The following SLC17A1 variants were observed in gnomAD, a reference collection of about 807,000 sequenced individuals.
The protein encoded by SLC17A1 is sodium-dependent phosphate transport protein 1.
Under a neutral mutation model 53.5 loss-of-function variants are expected in SLC17A1, and 51 were observed. The observed-to-expected ratio is 0.95, with a 90% CI of 0.76 to 1.20. The LOEUF is 1.20. Ranked by LOEUF, SLC17A1 falls within the 50% of genes most tolerant of loss-of-function variation. The probability of loss-of-function intolerance (pLI) is 0.00; values close to 1 mark genes in which losing one functional copy is unlikely to be tolerated. For synonymous variants in SLC17A1, 179 were observed against 198.8 expected, an observed-to-expected ratio of 0.90 and a Z score of 0.84; for missense variants, 538 against 568.2, an observed-to-expected ratio of 0.95 and a Z score of 0.54.
chr6:25,797,604 AC>A (rs1330151028), intron 12 of SLC17A1, among the ~76,000 whole-genome samples: 2 of 147,884 alleles, frequency 1.4e-5, no homozygotes, highest in African/African-American at 2.5e-5. Context: ...ATCCATTTCT[AC>A]CCCAGTTTTT....
At chr6:25,823,702 A>T (rs1371323789) in intron 3 of SLC17A1, among the ~76,000 whole-genome samples, 2 of 151,878 alleles carry the variant, frequency 1.3e-5, no homozygotes, top group East Asian at 3.8e-4. Flanking sequence ...TCTTTATAAG[A>T]TATGATTAGC....
At chr6:25,742,844 G>A in the SLC17A1 span, among the ~76,000 whole-genome samples, 5 of 152,204 alleles carry the variant, frequency 3.3e-5, no homozygotes, top group Admixed American at 6.5e-5. Context: ...CATTTTGTGC[G>A]GAATTTAGTA....
chr6:25,804,514 G>A (rs1763890743), intron 10 of SLC17A1, among the ~76,000 whole-genome samples: 1 of 151,974 alleles, frequency 6.6e-6, no homozygotes, highest in South Asian at 2.1e-4. Flanking sequence ...ATGATGACTG[G>A]AATAGTACCT....
chr6:25,818,743 T>C (rs1006522265), intron 6 of SLC17A1, among the ~76,000 whole-genome samples: 3 of 152,360 alleles, frequency 2.0e-5, no homozygotes, highest in Non-Finnish European at 1.5e-5. Context: ...GAATGTTAAG[T>C]ATAAAAAGTA....
chr6:25,746,967 T>C, the SLC17A1 span, among the ~76,000 whole-genome samples: 1 of 152,124 alleles, frequency 6.6e-6, no homozygotes, highest in African/African-American at 2.4e-5. Context: ...AGACTGACAA[T>C]AAAAAACAGT....
At chr6:25,769,121 T>C in the SLC17A1 span, 1,430,652 of 1,613,212 alleles carry the variant, frequency 0.89, 636,376 homozygotes, top group East Asian at 0.99. Context: ...AGCCCAATGC[T>C]TCCACAGAAC....
the SLC17A1 span, chr6:25,777,899 T>A: frequency 6.3e-7 from 1 of 1,583,134 alleles, no homozygotes; most frequent in Non-Finnish European, 8.7e-7. Flanking sequence ...TACTTGGTTA[T>A]AATAGAGTAC....
In SLC17A1 at chr6:25,798,876, G is replaced by T; in HGVS notation, c.1313C>A (p.Ala438Asp). 1 of 1,605,792 alleles carries T rather than the reference G, an allele frequency of 6.2e-7. No homozygotes were observed. The highest frequency in any genetic ancestry group is 8.5e-7 in the Non-Finnish European group (1 of 1,174,416). The change falls in exon 12 of 13, where the codon GCC becomes GAC. Residue 438 changes from alanine (A) to aspartate (D), a missense_variant. Transcript: ENST00000244527. ...AWFKTFILMA[A>D]INVTGLIFYL... is the part of the protein sequence containing the mutation. ...GAAAATTAGGCCAGTCACATTAATG[G>T]CTGCCATCAGGATGAAGGTTTTAAA...
At chr6:25,732,638 C>A in the SLC17A1 span, 1 of 1,239,384 alleles carries the variant, frequency 8.1e-7, no homozygotes, top group Non-Finnish European at 1.1e-6. Context: ...TGGCGGGCAA[C>A]GCCGTCGGAA....
chr6:25,734,495 A>G, the SLC17A1 span, among the ~76,000 whole-genome samples: 200 of 152,310 alleles, frequency 1.3e-3, 2 homozygotes, highest in East Asian at 0.012. Context: ...AATGGTTTCA[A>G]ATTATTAAAA....
intron 5 of SLC17A1, 27 bp downstream of exon 5, chr6:25,819,484 C>T (rs1383341170): frequency 6.4e-7 from 1 of 1,554,776 alleles, no homozygotes; most frequent in South Asian, 1.1e-5. Context: ...AGATAGGATT[C>T]AAACATTCTA....
At chr6:25,724,994 A>AG in the SLC17A1 span, among the ~76,000 whole-genome samples, 4 of 70,910 alleles carry the variant, frequency 5.6e-5, no homozygotes, top group African/African-American at 1.9e-4. Context: ...AGTGTTTAGC[A>AG]GTTTTTTTTT....
At chr6:25,796,655 T>C (rs1763608384) in intron 12 of SLC17A1, among the ~76,000 whole-genome samples, 1 of 152,172 alleles carries the variant, frequency 6.6e-6, no homozygotes, top group African/African-American at 2.4e-5. Flanking sequence ...TTCCAATAAA[T>C]TTGTTAACTG....
chr6:25,826,386 A>G, intron 3 of SLC17A1, 75 bp downstream of exon 3: 1 of 1,260,740 alleles, frequency 7.9e-7, no homozygotes, highest in East Asian at 2.4e-5. Flanking sequence ...ATATCAGTAC[A>G]ATTCCATATC....
chr6:25,726,399 C>G, the SLC17A1 span: 11 of 1,614,200 alleles, frequency 6.8e-6, no homozygotes, highest in South Asian at 1.1e-5. Flanking sequence ...CTGCCCCTAT[C>G]CGCTCTGCAT....
At chr6:25,754,405 A>G in the SLC17A1 span, among the ~76,000 whole-genome samples, 3 of 152,272 alleles carry the variant, frequency 2.0e-5, no homozygotes, top group Non-Finnish European at 4.4e-5. Flanking sequence ...CAAAAGGGGC[A>G]AAATATACCC....
At chr6:25,831,769 T>C (rs1428282126) in intron 1 of SLC17A1, among the ~76,000 whole-genome samples, 1 of 152,098 alleles carries the variant, frequency 6.6e-6, no homozygotes, top group Non-Finnish European at 1.5e-5. Flanking sequence ...GTACAACACA[T>C]ACTTCTCTTT....
chr6:25,812,940 G>A lies in SLC17A1; in HGVS notation c.788C>T (p.Pro263Leu). 6.2e-7 allele frequency: 1 copy of A among 1,614,074 alleles called. No homozygotes were observed. Among genetic ancestry groups the A allele is most frequent in the Non-Finnish European group, 8.5e-7 (1 of 1,179,916 alleles). Residue 263 changes from proline (P) to leucine (L), a missense_variant, in exon 8 of 13, where the codon CCA becomes CTA. By Grantham distance (98) the Pro-to-Leu change is moderately conservative. Coordinates refer to ENST00000244527, the MANE Select transcript of SLC17A1 (RefSeq NM_005074.5). ...LPIKAILKSL[P>L]VWAISTGSFT... ...ACTACCAGTGGAAATAGCCCAGACT[G>A]GAAGCGACTTAAGTATAGCCTTGAT... is the stretch of plus-strand genomic sequence containing the variant.
chr6:25,819,621 T>C, intron 4 of SLC17A1, 23 bp from the exon 5 acceptor site: 1 of 1,612,624 alleles, frequency 6.2e-7, no homozygotes, highest in Non-Finnish European at 8.5e-7. Context: ...AGGTTTGACA[T>C]TTAATCTCTA....
Sources: gnomAD v4.1 joint callset for allele counts (sites outside exome capture counted in the v4.1 genomes callset) on GRCh38, gnomAD v4.1.1 for gene constraint, MANE v1.5 for transcripts, NCBI Gene and HGNC (gene_info 2026-07-23, HGNC 2026-07-21) for gene names.